Variants in AXDND1 observed in about 807,000 individuals in gnomAD.
AXDND1 encodes the protein axonemal dynein light chain domain-containing protein 1.
A neutral mutation model predicts 137.5 loss-of-function variants in AXDND1; 110 were observed. The observed-to-expected ratio is 0.80, with a 90% CI of 0.69 to 0.94. The LOEUF is 0.94. AXDND1 is among the 40% of genes least tolerant of loss of function. The probability of loss-of-function intolerance (pLI) is 0.00; values close to 1 mark genes in which losing one functional copy is unlikely to be tolerated. For missense variants in AXDND1, 1,191 were observed against 1,169.8 expected, an observed-to-expected ratio of 1.02 and a Z score of -0.26; for synonymous variants, 414 against 399.7, an observed-to-expected ratio of 1.04 and a Z score of -0.43.
At chr1:179,520,437 T>G (rs1237274247) in intron 21 of AXDND1, among the ~76,000 whole-genome samples, 1 of 152,058 alleles carries the variant, frequency 6.6e-6, no homozygotes, top group African/African-American at 2.4e-5. Context: ...TACTTATTCT[T>G]CCTTTTATTT....
intron 10 of AXDND1, 142 bp from the exon 11 acceptor site, chr1:179,394,956 A>G: frequency 1.7e-6 from 1 of 585,962 alleles, no homozygotes; most frequent in Non-Finnish European, 3.0e-6. Flanking sequence ...CAATTTCTTG[A>G]TTTGGTTTAT....
chr1:179,511,424 A>G (rs60209373), intron 21 of AXDND1, among the ~76,000 whole-genome samples: 48,801 of 125,324 alleles, frequency 0.39, 8,470 homozygotes, highest in South Asian at 0.47. Context: ...GTGTGTGTGT[A>G]TATGTATATA....
intron 6 of AXDND1, 78 bp from the exon 7 acceptor site, chr1:179,382,622 T>TG: frequency 1.0e-6 from 1 of 992,212 alleles, no homozygotes; most frequent in African/African-American, 1.6e-5. Flanking sequence ...ACCAAGATTC[T>TG]GGGGGTTAGT....
intron 20 of AXDND1, 87 bp downstream of exon 20, chr1:179,493,038 C>T (rs1667087908): frequency 1.2e-6 from 1 of 862,720 alleles, no homozygotes; most frequent in African/African-American, 1.7e-5. Context: ...ACAACAAGCT[C>T]ACATATTTAA....
intron 18 of AXDND1, among the ~76,000 whole-genome samples, chr1:179,489,749 T>C (rs1274999579): frequency 3.0e-4 from 43 of 144,158 alleles, no homozygotes; most frequent in Middle Eastern, 3.5e-3. Context: ...TTCTTTTTTT[T>C]TTTTTTTTTT....
chr1:179,434,243 A>C (rs1257405217), intron 15 of AXDND1, among the ~76,000 whole-genome samples: 3 of 152,152 alleles, frequency 2.0e-5, no homozygotes, highest in Non-Finnish European at 4.4e-5. Context: ...CAAGGACCAC[A>C]CAGATTCACA....
At chr1:179,368,520 T>C (rs763485355) in intron 2 of AXDND1, among the ~76,000 whole-genome samples, 20 of 152,330 alleles carry the variant, frequency 1.3e-4, no homozygotes, top group Middle Eastern at 6.8e-3. Flanking sequence ...GAAATGAGTT[T>C]AGTTTTCAAC....
At chr1:179,397,110 A>G (rs938690354) in intron 11 of AXDND1, among the ~76,000 whole-genome samples, 12 of 152,170 alleles carry the variant, frequency 7.9e-5, no homozygotes, top group Non-Finnish European at 1.5e-5. Context: ...GTTTTTTAAT[A>G]GCAGCTGGTA....
chr1:179,378,054 C>T lies in AXDND1; in HGVS notation c.375-583C>T, dbSNP rs117784201. The stretch of plus-strand genomic sequence containing the variant: ...ACATGATGGCACGTGCTTGTAATCC[C>T]AGCTACTTGGGAGGCTGGGCAGGAG... On this transcript the variant is annotated intron_variant, in intron 4 of 25. Coordinates refer to ENST00000367618, the MANE Select transcript of AXDND1 (RefSeq NM_144696.6). Among the ~76,000 whole-genome samples, 1,309 of 152,154 alleles carry T rather than the reference C, an allele frequency of 8.6e-3. 40 individuals are homozygous for T. The highest frequency in any genetic ancestry group is 0.055 in the Admixed American group (845 of 15,264).
chr1:179,511,937 G>A (rs578227831), intron 21 of AXDND1, among the ~76,000 whole-genome samples: 1 of 151,934 alleles, frequency 6.6e-6, no homozygotes, highest in African/African-American at 2.4e-5. Context: ...CTGATTTGTT[G>A]GAGTTTGTTT....
intron 12 of AXDND1, among the ~76,000 whole-genome samples, chr1:179,416,295 T>C (rs1654697989): frequency 6.6e-6 from 1 of 152,248 alleles, no homozygotes; most frequent in African/African-American, 2.4e-5. Flanking sequence ...CTGAATAATA[T>C]TCCATTGGGT....
chr1:179,413,510 G>GT (rs1336167459), intron 12 of AXDND1, among the ~76,000 whole-genome samples: 3 of 152,274 alleles, frequency 2.0e-5, no homozygotes, highest in Middle Eastern at 3.4e-3. Context: ...TTGATTTTCT[G>GT]TTTCTGAGTT....
chr1:179,411,413 C>T (rs974475324), intron 12 of AXDND1, 147 bp downstream of exon 12: 53 of 1,051,920 alleles, frequency 5.0e-5, no homozygotes, highest in Non-Finnish European at 6.2e-5. Flanking sequence ...GATGTGATCT[C>T]GGCTCACTGC....
intron 16 of AXDND1, chr1:179,456,709 T>C: frequency 2.6e-6 from 2 of 783,422 alleles, no homozygotes; most frequent in Non-Finnish European, 4.6e-6. Context: ...TCATTCCCAC[T>C]GAAACCACCT....
intron 11 of AXDND1, among the ~76,000 whole-genome samples, chr1:179,409,992 CT>C (rs1298530536): frequency 6.6e-6 from 1 of 151,820 alleles, no homozygotes; most frequent in Non-Finnish European, 1.5e-5. Flanking sequence ...CATTAATTCT[CT>C]TTTGATAATT....
chr1:179,543,654 A>G (rs1028657844), intron 25 of AXDND1: 3 of 152,192 alleles, frequency 2.0e-5, no homozygotes, highest in Non-Finnish European at 2.9e-5. Context: ...GGTTGTGTAC[A>G]AGAGGGAAGG....
intron 16 of AXDND1, among the ~76,000 whole-genome samples, chr1:179,459,843 C>T (rs1258660961): frequency 0.032 from 2,351 of 73,752 alleles, 85 homozygotes; most frequent in African/African-American, 0.13. Flanking sequence ...TTTTCTTTCC[C>T]TTCCTTCCTT....
At chr1:179,442,973 G>A (rs1165559972) in intron 15 of AXDND1, among the ~76,000 whole-genome samples, 1 of 152,146 alleles carries the variant, frequency 6.6e-6, no homozygotes. Flanking sequence ...TATGTATTAG[G>A]TAAAAGAGAT....
Position 179,366,527 on chromosome 1 carries a change from G to A in AXDND1, c.18G>A (p.Thr6=). MSLPK[T]PSTPLNSTST... ...TGTTTATTATGTCTCTCCCGAAAAC[G>A]CCCTCCACCCCGCTAAACTCTACAT... The change falls in exon 2 of 26, where the codon ACG becomes ACA. Residue 6 remains threonine, a synonymous_variant. Coordinates refer to ENST00000367618, the MANE Select transcript of AXDND1 (RefSeq NM_144696.6). The A allele has an allele frequency of 1.2e-6, 2 of 1,613,144 alleles. No homozygotes were observed. Among genetic ancestry groups the A allele is most frequent in the Non-Finnish European group, 8.5e-7 (1 of 1,179,306 alleles).
Sources: allele counts gnomAD v4.1 joint callset (sites outside exome capture counted in the v4.1 genomes callset), GRCh38; gene constraint gnomAD v4.1.1; transcripts MANE v1.5; gene names NCBI Gene and HGNC (gene_info 2026-07-23, HGNC 2026-07-21).